Variants in TNKS1BP1 observed in about 807,000 individuals in gnomAD.
TNKS1BP1 encodes the protein 182 kDa tankyrase-1-binding protein.
A neutral mutation model predicts 141.1 loss-of-function variants in TNKS1BP1; 48 were observed. The observed-to-expected ratio is 0.34, with a 90% CI of 0.27 to 0.43. The LOEUF is 0.43. Ranked by LOEUF, TNKS1BP1 falls within the 20% of genes least tolerant of loss-of-function variation. The pLI is 1.00. For synonymous variants in TNKS1BP1, 875 were observed against 898.2 expected (o/e 0.97, Z 0.46); for missense variants, 2,149 against 2,226.0 (o/e 0.97, Z 0.70).
In TNKS1BP1 at chr11:57,320,486, G is replaced by C; in HGVS notation, c.321C>G (p.Ala107=). The change falls in exon 3 of 12, where the codon GCC becomes GCG. Residue 107 remains alanine (A), a synonymous_variant. Coordinates refer to ENST00000358252, the MANE Select transcript of TNKS1BP1 (RefSeq NM_033396.3). The part of the protein sequence containing the change: ...LPFAPRPAVE[A]STGGEATQET... ...CTTGGGTGGCTTCTCCTCCAGTGGAGGCCTCAACCGCAGGCCTTGGTGCAA... is the reference window on the plus strand; with the variant it reads ...CTTGGGTGGCTTCTCCTCCAGTGGACGCCTCAACCGCAGGCCTTGGTGCAA... 6.2e-7 allele frequency: 1 copy of C among 1,608,850 alleles called. No homozygotes were observed. Among genetic ancestry groups the C allele is most frequent in the South Asian group, 1.1e-5 (1 of 90,798 alleles).
chr11:57,305,570 G>C (rs1439806497), intron 6 of TNKS1BP1, among the ~76,000 whole-genome samples: 1 of 152,152 alleles, frequency 6.6e-6, no homozygotes, highest in African/African-American at 2.4e-5. Flanking sequence ...TGAGGGAGGG[G>C]TGAAGCTGGA....
intron 10 of TNKS1BP1, 55 bp from the exon 11 acceptor site, chr11:57,300,655 A>C: frequency 1.9e-6 from 3 of 1,608,618 alleles, no homozygotes; most frequent in Non-Finnish European, 2.6e-6. Context: ...ACTGAACACA[A>C]CAAGGAGACG....
chr11:57,316,040 A>G (rs1855793993), intron 4 of TNKS1BP1, among the ~76,000 whole-genome samples: 1 of 152,154 alleles, frequency 6.6e-6, no homozygotes, highest in Non-Finnish European at 1.5e-5. Context: ...TATATTCACT[A>G]TTAATATCCA....
Position 57,308,444 on chromosome 11 carries a change from G to A in TNKS1BP1, c.4267C>T (p.Pro1423Ser). ...CCTGTCTCCATTCCAGGGTCTGCAGGGTGTGGCTCCAAGGAAGACGAGGAG... is the reference window on the plus strand; with the variant it reads ...CCTGTCTCCATTCCAGGGTCTGCAGAGTGTGGCTCCAAGGAAGACGAGGAG... The part of the protein sequence containing the change: ...DYSSSSLEPH[P>S]ADPGMETGEA... The change falls in exon 6 of 12, where the codon CCT becomes TCT. Residue 1423 changes from proline (P) to serine (S), a missense_variant. Transcript: ENST00000358252. The A allele has an allele frequency of 1.2e-6, 2 of 1,614,112 alleles. No individual in the cohort carries two copies. Among genetic ancestry groups the A allele is most frequent in the Non-Finnish European group, 8.5e-7 (1 of 1,180,006 alleles).
intron 3 of TNKS1BP1, among the ~76,000 whole-genome samples, chr11:57,319,487 G>T (rs543054536): frequency 6.6e-6 from 1 of 152,112 alleles, no homozygotes; most frequent in Non-Finnish European, 1.5e-5. Context: ...CTTCTTGGCC[G>T]GGCGTGGTGG....
At chr11:57,324,100 T>G (rs1855925926) in intron 1 of TNKS1BP1, among the ~76,000 whole-genome samples, 1 of 152,180 alleles carries the variant, frequency 6.6e-6, no homozygotes, top group Admixed American at 6.5e-5. Context: ...AGCTGACCCC[T>G]GGCAGATAAG....
intron 4 of TNKS1BP1, among the ~76,000 whole-genome samples, chr11:57,315,111 C>T (rs1460284316): frequency 5.3e-5 from 8 of 152,108 alleles, no homozygotes. Context: ...GCCTCTGGTT[C>T]GTTGACCTCC....
Position 57,302,820 on chromosome 11 carries a change from C to A in TNKS1BP1, c.4322G>T (p.Gly1441Val). 1 of 1,533,392 alleles carries A rather than the reference C, an allele frequency of 6.5e-7. No individual in the cohort carries two copies. Among genetic ancestry groups the A allele is most frequent in the Non-Finnish European group, 8.7e-7 (1 of 1,143,178 alleles). 95.0% of individuals were successfully genotyped at this position (1,533,392 alleles called of 1,614,324 possible). Residue 1441 changes from glycine (G) to valine (V), a missense_variant, in exon 7 of 12, where the codon GGC becomes GTC. Transcript: ENST00000358252. The surrounding 1 kb of genome is among the most constrained non-coding windows in gnomAD (Gnocchi z 5.5). ...GGGTGGGGGGCGGGCCGGGCACCTGCCAGGGCTGTAAAGGGGACAGAGAGA... is the reference window on the plus strand; with the variant it reads ...GGGTGGGGGGCGGGCCGGGCACCTGACAGGGCTGTAAAGGGGACAGAGAGA... ...GEALSFGASP[G>V]RCPARPPPSG...
In TNKS1BP1 at chr11:57,312,844, A is replaced by C; in HGVS notation, c.1844T>G (p.Leu615Arg). 2 of 1,610,860 alleles carry C rather than the reference A, an allele frequency of 1.2e-6. No homozygotes were observed. The highest frequency in any genetic ancestry group is 1.7e-6 in the Non-Finnish European group (2 of 1,178,398). Residue 615 changes from leucine (L) to arginine (R), a missense_variant, in exon 5 of 12, where the codon CTG becomes CGG. By Grantham distance (102) the Leu-to-Arg change is moderately radical. Transcript: ENST00000358252. ...LATREAALPI[L>R]EPVLGQEQPA... ...CTGCTCCTGCCCCAGGACTGGCTCC[A>C]GGATGGGCAAGGCTGCCTCCCTGGT...
At chr11:57,315,147 T>C (rs951867441) in intron 4 of TNKS1BP1, among the ~76,000 whole-genome samples, 4 of 151,944 alleles carry the variant, frequency 2.6e-5, no homozygotes, top group African/African-American at 9.7e-5. Context: ...GTGCGACCCA[T>C]CCTCTCAAGG....
At chr11:57,311,336 T>C in intron 5 of TNKS1BP1, 1 of 985,776 alleles carries the variant, frequency 1.0e-6, no homozygotes, top group Non-Finnish European at 1.2e-6. Flanking sequence ...ATAGACATGC[T>C]GGCCTCCCCA....
chr11:57,321,712 C>G (rs1026648629), intron 2 of TNKS1BP1, 80 bp downstream of exon 2: 132 of 1,530,326 alleles, frequency 8.6e-5, no homozygotes, highest in Non-Finnish European at 1.1e-4. Context: ...CAACCACCCC[C>G]CAAGACAGAA....
At chr11:57,312,480 C>A in intron 5 of TNKS1BP1, 54 bp downstream of exon 5, 1 of 1,403,700 alleles carries the variant, frequency 7.1e-7, no homozygotes, top group Non-Finnish European at 9.3e-7. Context: ...TGAAGCCCAC[C>A]CAAGCCCTGG....
chr11:57,311,991 G>A (rs958541348), intron 5 of TNKS1BP1, among the ~76,000 whole-genome samples: 2 of 152,234 alleles, frequency 1.3e-5, no homozygotes, highest in African/African-American at 4.8e-5. Flanking sequence ...CACCCTTGGA[G>A]GTAGAACTCA....
At chr11:57,318,423 C>G (rs1019631464) in intron 3 of TNKS1BP1, among the ~76,000 whole-genome samples, 6 of 152,208 alleles carry the variant, frequency 3.9e-5, no homozygotes, top group African/African-American at 1.4e-4. Context: ...GCACCCTGGT[C>G]TGGGACAGGC....
chr11:57,308,803 T>C lies in TNKS1BP1; in HGVS notation c.3908A>G (p.Glu1303Gly). 9 of 1,614,016 alleles carry C rather than the reference T, an allele frequency of 5.6e-6. No individual in the cohort carries two copies. Among genetic ancestry groups the C allele is most frequent in the Non-Finnish European group, 7.6e-6 (9 of 1,180,006 alleles). Residue 1303 changes from glutamate to glycine, a missense_variant, in exon 6 of 12, where the codon GAG (glutamate) becomes GGG (glycine). Glu to Gly is a moderately conservative substitution (Grantham distance 98). Coordinates refer to ENST00000358252, the MANE Select transcript of TNKS1BP1 (RefSeq NM_033396.3). ...GAVCSPGESK[E>G]LGVGQMDWGN... Reference sequence around the variant, plus strand: ...CCAGTCCATCTGGCCCACCCCAAGCTCTTTGGACTCTCCAGGACTGCAGAC... The same window carrying C: ...CCAGTCCATCTGGCCCACCCCAAGCCCTTTGGACTCTCCAGGACTGCAGAC...
rs764635374 is a variant in TNKS1BP1 at position 57,302,587 on chromosome 11, C to T, written c.4555G>A (p.Glu1519Lys). 3 of 1,613,046 alleles carry T rather than the reference C, an allele frequency of 1.9e-6. No individual in the cohort carries two copies. In the South Asian group the frequency reaches 3.3e-5, roughly 18 times the overall value. Residue 1519 changes from glutamate to lysine, a missense_variant, in exon 7 of 12, where the codon GAA (glutamate) becomes AAA (lysine). Glu to Lys is a moderately conservative substitution (Grantham distance 56). Transcript: ENST00000358252. This position sits in a 1 kb window ranked among gnomAD's most constrained non-coding sequence, Gnocchi z 5.5. ...GAGCCCCAGGTGCCATCCACGTCTT[C>T]TGTCTGGCTGGCCTCACCATCAGGC... Reference protein sequence around the residue: ...PQPDGEASQTEDVDGTWGSSA... With the variant: ...PQPDGEASQTKDVDGTWGSSA...
In TNKS1BP1 at chr11:57,320,386, C is replaced by A. The variant is rs1423481285; in HGVS notation, c.421G>T (p.Gly141Cys). 1 of 1,613,100 alleles carries A rather than the reference C, an allele frequency of 6.2e-7. No individual in the cohort carries two copies. The highest frequency in any genetic ancestry group is 2.2e-5 in the East Asian group (1 of 44,870). The change falls in exon 3 of 12, where the codon GGT becomes TGT. Residue 141 changes from glycine to cysteine, a missense_variant. By Grantham distance (159) the Gly-to-Cys change is radical. Transcript: ENST00000358252. ...TPPARCAAPGGVRKAPAPFRP... is the reference protein window; with the variant it reads ...TPPARCAAPGCVRKAPAPFRP... Reference sequence around the variant, plus strand: ...AAAGGGGCAGGGGCCTTCCGTACACCCCCTGGGGCTGCACATCGAGCTGGG... The same window carrying A: ...AAAGGGGCAGGGGCCTTCCGTACACACCCTGGGGCTGCACATCGAGCTGGG...
At chr11:57,324,299 G>C (rs1426163592) in intron 1 of TNKS1BP1, among the ~76,000 whole-genome samples, 1 of 152,234 alleles carries the variant, frequency 6.6e-6, no homozygotes, top group Non-Finnish European at 1.5e-5. Context: ...CTGTCTGGAG[G>C]GGCCCAGTGG....
Sources: allele counts gnomAD v4.1 joint callset (sites outside exome capture counted in the v4.1 genomes callset), GRCh38; gene constraint gnomAD v4.1.1; non-coding constraint Gnocchi (gnomAD v3.1); transcripts MANE v1.5; gene names NCBI Gene and HGNC (gene_info 2026-07-23, HGNC 2026-07-21).